RTTN: variants seen among roughly 807,000 people sequenced by gnomAD.
RTTN encodes rotatin.
A neutral mutation model predicts 269.2 loss-of-function variants in RTTN; 182 were observed. The ratio of observed to expected loss-of-function variants is 0.68; its 90% CI spans 0.60 to 0.76. The LOEUF (loss-of-function observed/expected upper bound fraction) is 0.76. Ranked by LOEUF, RTTN falls within the 30% of genes least tolerant of loss-of-function variation. The pLI is 0.00. For missense variants in RTTN, 2,545 were observed against 2,608.6 expected (o/e 0.98, Z 0.53); for synonymous variants, 1,006 against 963.5 (o/e 1.04, Z -0.82).
intron 14 of RTTN, among the ~76,000 whole-genome samples, chr18:70,165,583 T>C (rs371865588): frequency 6.6e-6 from 1 of 152,040 alleles, no homozygotes. Flanking sequence ...AATATTGTCC[T>C]ATGTACAGTG....
intron 12 of RTTN, 61 bp downstream of exon 12, chr18:70,168,794 T>C: frequency 1.6e-6 from 2 of 1,242,422 alleles, no homozygotes; most frequent in Non-Finnish European, 2.3e-6. Context: ...TTGAAAAGTA[T>C]AGATTAAATT....
intron 46 of RTTN, among the ~76,000 whole-genome samples, chr18:70,009,476 T>A (rs1002543599): frequency 6.6e-6 from 1 of 152,062 alleles, no homozygotes; most frequent in Non-Finnish European, 1.5e-5. Context: ...TATCCAGCCA[T>A]ACTAAGCTTC....
intron 40 of RTTN, 43 bp from the exon 41 acceptor site, chr18:70,031,024 TC>T (rs771554133): frequency 5.0e-5 from 69 of 1,377,182 alleles, no homozygotes; most frequent in Non-Finnish European, 1.5e-5. Flanking sequence ...AAATATTTAA[TC>T]TGGAGCAAAA....
chr18:70,067,812 C>A (rs1322157466), intron 34 of RTTN, among the ~76,000 whole-genome samples: 1 of 152,114 alleles, frequency 6.6e-6, no homozygotes, highest in African/African-American at 2.4e-5. Context: ...CTTATAAGGG[C>A]CCACTAAATA....
intron 17 of RTTN, among the ~76,000 whole-genome samples, chr18:70,146,144 G>A (rs1231754666): frequency 7.9e-5 from 12 of 152,086 alleles, no homozygotes; most frequent in South Asian, 2.1e-4. Flanking sequence ...ATCACAGACC[G>A]CTGACCACAG....
chr18:70,032,367 C>A (rs2057040981), intron 40 of RTTN, among the ~76,000 whole-genome samples: 1 of 152,170 alleles, frequency 6.6e-6, no homozygotes, highest in Non-Finnish European at 1.5e-5. Flanking sequence ...CAGAGTGACC[C>A]CAGTGGACAC....
intron 30 of RTTN, among the ~76,000 whole-genome samples, chr18:70,090,838 T>C (rs1199900010): frequency 6.6e-6 from 1 of 152,150 alleles, no homozygotes; most frequent in Non-Finnish European, 1.5e-5. Flanking sequence ...CACAGAGCCA[T>C]CTAGACAGAT....
chr18:70,202,022 T>C (rs1364617137), intron 3 of RTTN, 39 bp from the exon 4 acceptor site: 1 of 1,182,888 alleles, frequency 8.5e-7, no homozygotes. Flanking sequence ...GTCGATTCCT[T>C]ATTTGCTAAA....
intron 26 of RTTN, among the ~76,000 whole-genome samples, chr18:70,118,581 TTA>T (rs2059656109): frequency 6.6e-6 from 1 of 152,108 alleles, no homozygotes; most frequent in Non-Finnish European, 1.5e-5. Flanking sequence ...CAAACTCACT[TTA>T]TGACGGCAGC....
At chr18:70,165,914 C>T in intron 14 of RTTN, 148 bp downstream of exon 14, 1 of 624,232 alleles carries the variant, frequency 1.6e-6, no homozygotes, top group Non-Finnish European at 2.5e-6. Flanking sequence ...ACAAATTTTC[C>T]AGAATTGACT....
At position 70,169,199 on chromosome 18, in the gene RTTN, T is replaced by G. The variant is rs2061071500; in HGVS notation, c.1477-132A>C. 6 of 604,468 alleles carry G rather than the reference T, an allele frequency of 9.9e-6. No individual in the cohort carries two copies. The East Asian group carries it at 1.9e-4, about 19-fold the overall frequency. 37.4% of individuals were successfully genotyped at this position (604,468 alleles called of 1,614,324 possible). On this transcript the variant is annotated intron_variant, in intron 11 of 48. Coordinates refer to ENST00000640769, the MANE Select transcript of RTTN (RefSeq NM_173630.4). ...CAATTCTTTGTCAAAAAACTGAAAC[T>G]TTTTCCAAAGAAAATCCCATTTCCC...
rs137932183 is a variant in RTTN at position 70,169,294 on chromosome 18, T to C, written c.1477-227A>G. On this transcript the variant is annotated intron_variant, in intron 11 of 48. Coordinates refer to ENST00000640769, the MANE Select transcript of RTTN (RefSeq NM_173630.4). ...GTCTCAAGTCCAAATATCAACTCTT[T>C]CTCAAAGCCTAAGATACTAACTACT... Among the ~76,000 whole-genome samples the C allele has an allele frequency of 3.9e-4, 60 of 152,276 alleles. No individual in the cohort carries two copies. The East Asian group carries it at 0.011, about 28-fold the overall frequency.
At chr18:70,058,807 T>A (rs1406769990) in intron 36 of RTTN, among the ~76,000 whole-genome samples, 1 of 152,106 alleles carries the variant, frequency 6.6e-6, no homozygotes, top group Non-Finnish European at 1.5e-5. Context: ...AAAAAAATGA[T>A]CAATAAATAT....
Position 70,127,720 on chromosome 18 carries a change from T to C in RTTN, c.3165A>G (p.Leu1055=). 1.2e-6 allele frequency: 2 copies of C among 1,612,064 alleles called. No homozygotes were observed. The highest frequency in any genetic ancestry group is 1.7e-6 in the Non-Finnish European group (2 of 1,178,706). ...KTQEILDALK[L]STEDILTLKI... ...TCAGAGTGAGGATGTCCTCTGTAGATAACTTCAATGCATCTAAAATTCTAG... is the reference window on the plus strand; with the variant it reads ...TCAGAGTGAGGATGTCCTCTGTAGACAACTTCAATGCATCTAAAATTCTAG... Residue 1055 remains leucine, a synonymous_variant, in exon 25 of 49, where the codon TTA becomes TTG. Transcript: ENST00000640769.
chr18:70,197,599 TA>T, intron 6 of RTTN, 24 bp downstream of exon 6: 2 of 1,467,004 alleles, frequency 1.4e-6, no homozygotes, highest in Non-Finnish European at 1.9e-6. Context: ...GTTCAAAATC[TA>T]AAACAATTAT....
intron 12 of RTTN, among the ~76,000 whole-genome samples, 191 bp from the exon 13 acceptor site, chr18:70,167,222 T>C (rs565924888): frequency 7.9e-5 from 12 of 152,250 alleles, no homozygotes; most frequent in Non-Finnish European, 1.5e-4. Context: ...GAAAATTCCC[T>C]AGCTAAATGC....
intron 25 of RTTN, among the ~76,000 whole-genome samples, chr18:70,122,206 T>A (rs968132887): frequency 1.3e-5 from 2 of 152,144 alleles, no homozygotes; most frequent in African/African-American, 4.8e-5. Flanking sequence ...GGATGAAATT[T>A]CTTTTTAAGT....
At chr18:70,103,071 C>A (rs1036124115) in intron 28 of RTTN, among the ~76,000 whole-genome samples, 1 of 148,904 alleles carries the variant, frequency 6.7e-6, no homozygotes, top group African/African-American at 2.5e-5. Context: ...TGAGGAGCGC[C>A]TCTGCCCGGC....
At chr18:70,146,855 G>C (rs2060407288) in intron 17 of RTTN, among the ~76,000 whole-genome samples, 1 of 152,138 alleles carries the variant, frequency 6.6e-6, no homozygotes, top group South Asian at 2.1e-4. Flanking sequence ...CTGCAATATT[G>C]TTAACTGATA....
Sources: gnomAD v4.1 joint callset for allele counts (sites outside exome capture counted in the v4.1 genomes callset) on GRCh38, gnomAD v4.1.1 for gene constraint, MANE v1.5 for transcripts, NCBI Gene and HGNC (gene_info 2026-07-23, HGNC 2026-07-21) for gene names.